The following GPHN variants were observed in gnomAD, a reference collection of about 807,000 sequenced individuals.
GPHN encodes the protein gephyrin.
Under a neutral mutation model 95.5 loss-of-function variants are expected in GPHN, and 17 were observed. The ratio of observed to expected loss-of-function variants is 0.18; its 90% confidence interval spans 0.12 to 0.27. GPHN has a LOEUF of 0.27. GPHN is among the 10% of genes least tolerant of loss of function. The pLI is 1.00. For synonymous variants in GPHN, 320 were observed against 322.5 expected (o/e 0.99, Z 0.08); for missense variants, 660 against 978.1 (o/e 0.67, Z 4.34).
the GPHN span, among the ~76,000 whole-genome samples, chr14:67,286,563 T>G: frequency 6.6e-6 from 1 of 152,022 alleles, no homozygotes; most frequent in African/African-American, 2.4e-5. Context: ...TGTGGAAAAT[T>G]AACTGTTCTT....
chr14:67,203,746 A>C, the GPHN span, among the ~76,000 whole-genome samples: 1 of 152,088 alleles, frequency 6.6e-6, no homozygotes, highest in Non-Finnish European at 1.5e-5. Context: ...GGAGTCTTGC[A>C]CTGTCACCCA....
At chr14:66,755,958 T>C (rs1001559726) in intron 2 of GPHN, among the ~76,000 whole-genome samples, 1 of 152,196 alleles carries the variant, frequency 6.6e-6, no homozygotes, top group Non-Finnish European at 1.5e-5. Context: ...TGCCAACTTA[T>C]CACATTTGTA....
At chr14:66,700,768 C>T (rs1411641907) in intron 2 of GPHN, among the ~76,000 whole-genome samples, 1 of 151,964 alleles carries the variant, frequency 6.6e-6, no homozygotes, top group African/African-American at 2.4e-5. Context: ...ACTAAAAATA[C>T]AAAAATTAGC....
chr14:67,412,964 A>G, the GPHN span, among the ~76,000 whole-genome samples: 6 of 152,190 alleles, frequency 3.9e-5, no homozygotes, highest in East Asian at 1.9e-4. Context: ...GGGTGTTGCT[A>G]TGTTGCCCAG....
At chr14:67,703,677 T>A in the GPHN span, among the ~76,000 whole-genome samples, 1 of 152,260 alleles carries the variant, frequency 6.6e-6, no homozygotes, top group South Asian at 2.1e-4. Flanking sequence ...ACCCAGTATG[T>A]CTTTTTTTAT....
chr14:66,841,011 A>ATATAGATATAGG (rs2062060794), intron 4 of GPHN, among the ~76,000 whole-genome samples: 5 of 130,100 alleles, frequency 3.8e-5, no homozygotes, highest in Non-Finnish European at 7.8e-5. Context: ...ATAGATATAG[A>ATATAGATATAGG]TATAGATATA....
intron 1 of GPHN, among the ~76,000 whole-genome samples, chr14:66,665,577 G>A (rs544734156): frequency 1.6e-4 from 24 of 152,240 alleles, no homozygotes; most frequent in Non-Finnish European, 2.5e-4. Flanking sequence ...TTAGAATGGC[G>A]ATCATTAAAG....
the GPHN span, among the ~76,000 whole-genome samples, chr14:67,728,940 G>C: frequency 1.3e-5 from 2 of 152,248 alleles, no homozygotes; most frequent in African/African-American, 4.8e-5. Context: ...GTATAAAAAC[G>C]ACATTGAAAT....
chr14:66,617,058 G>A (rs1267163084), intron 1 of GPHN, among the ~76,000 whole-genome samples: 2 of 152,128 alleles, frequency 1.3e-5, no homozygotes, highest in Non-Finnish European at 2.9e-5. Flanking sequence ...TGGTGGAGGG[G>A]TTATGCTTTA....
the GPHN span, among the ~76,000 whole-genome samples, chr14:67,252,188 T>A: frequency 2.6e-5 from 4 of 152,270 alleles, no homozygotes; most frequent in East Asian, 7.7e-4. Context: ...TTTTTATTTA[T>A]TTATTTTTTG....
At chr14:66,613,825 A>C (rs2153293996) in intron 1 of GPHN, among the ~76,000 whole-genome samples, 1 of 152,276 alleles carries the variant, frequency 6.6e-6, no homozygotes, top group Middle Eastern at 3.4e-3. Context: ...AGATACTGCC[A>C]AGCCTTTTTC....
intron 21 of GPHN, among the ~76,000 whole-genome samples, chr14:67,175,840 A>G (rs1225769561): frequency 1.3e-5 from 2 of 152,146 alleles, no homozygotes; most frequent in Admixed American, 6.5e-5. Context: ...ATTTGTATCA[A>G]TTGTGAATGG....
chr14:67,014,945 T>C (rs2073218191), intron 9 of GPHN, among the ~76,000 whole-genome samples: 1 of 152,170 alleles, frequency 6.6e-6, no homozygotes, highest in Admixed American at 6.5e-5. Context: ...CTGAACATGG[T>C]TCAACTTGGA....
At chr14:67,729,618 CT>C in the GPHN span, 6 of 625,458 alleles carry the variant, frequency 9.6e-6, no homozygotes, top group African/African-American at 7.4e-5. Context: ...TCCATGAAAA[CT>C]TTGCAGCTTT....
chr14:67,475,779 G>A, the GPHN span, among the ~76,000 whole-genome samples: 4 of 152,120 alleles, frequency 2.6e-5, no homozygotes, highest in Admixed American at 1.3e-4. Context: ...CGGCTCCCAT[G>A]CTGCTTCTCT....
chr14:67,413,023 A>G, the GPHN span, among the ~76,000 whole-genome samples: 2 of 152,196 alleles, frequency 1.3e-5, no homozygotes, highest in African/African-American at 4.8e-5. Context: ...TGGGCTTCCC[A>G]AAGTGCTGGG....
intron 1 of GPHN, among the ~76,000 whole-genome samples, chr14:66,588,997 C>T (rs1304089556): frequency 6.6e-6 from 1 of 151,952 alleles, no homozygotes; most frequent in Non-Finnish European, 1.5e-5. Context: ...GGTCAGGTTA[C>T]CCACAAAGGG....
intron 4 of GPHN, among the ~76,000 whole-genome samples, chr14:66,864,649 T>G (rs1254317560): frequency 6.6e-6 from 1 of 152,058 alleles, no homozygotes; most frequent in Non-Finnish European, 1.5e-5. Flanking sequence ...GGCACATGCT[T>G]GGAATCCCAG....
intron 10 of GPHN, among the ~76,000 whole-genome samples, chr14:67,032,715 C>T (rs1206247535): frequency 6.6e-6 from 1 of 152,064 alleles, no homozygotes; most frequent in Non-Finnish European, 1.5e-5. Flanking sequence ...AGTCACATTC[C>T]CCCGCTTTCA....
Sources: gnomAD v4.1 joint callset for allele counts (sites outside exome capture counted in the v4.1 genomes callset) on GRCh38, gnomAD v4.1.1 for gene constraint, MANE v1.5 for transcripts, NCBI Gene and HGNC (gene_info 2026-07-23, HGNC 2026-07-21) for gene names.